Variants in ALMS1 observed in about 807,000 individuals in gnomAD.
ALMS1 encodes the protein centrosome-associated protein ALMS1.
In ALMS1, 271 loss-of-function variants were observed where a neutral mutation model predicts 352.2. The ratio of observed to expected loss-of-function variants is 0.77; its 90% CI spans 0.70 to 0.85. The LOEUF (loss-of-function observed/expected upper bound fraction) is 0.85. ALMS1 is among the 40% of genes least tolerant of loss of function. The probability of loss-of-function intolerance (pLI) is 0.00; values close to 1 mark genes in which losing one functional copy is unlikely to be tolerated. For missense variants in ALMS1, 5,445 were observed against 4,870.7 expected (o/e 1.12, Z -3.51); for synonymous variants, 1,865 against 1,761.2 (o/e 1.06, Z -1.48).
Position 73,601,449 on chromosome 2 carries a change from T to C in ALMS1, c.12114+13T>C, listed in dbSNP as rs991930363. 1 of 1,613,474 alleles carries C rather than the reference T, an allele frequency of 6.2e-7. No homozygotes were observed. Among genetic ancestry groups the C allele is most frequent in the African/African-American group, 1.3e-5 (1 of 74,884 alleles). On this transcript the variant is annotated intron_variant, in intron 19 of 22. Coordinates refer to ENST00000613296, the MANE Select transcript of ALMS1 (RefSeq NM_001378454.1). ...AGCAACCCTTCAGGTGCAGTGACGT[T>C]GACTTAACTTTAATGCTACGTGTAG... is the stretch of plus-strand genomic sequence containing the variant.
intron 9 of ALMS1, among the ~76,000 whole-genome samples, chr2:73,464,901 C>T (rs1258771098): frequency 6.7e-6 from 1 of 149,194 alleles, no homozygotes; most frequent in African/African-American, 2.5e-5. Context: ...GATGGAAGGA[C>T]TTCTTCAAGG....
rs1178176629 is a variant in ALMS1 at position 73,451,429 on chromosome 2, C to CGTCT, written c.4902_4903insGTCT (p.Ser1635ValfsTer2). On this transcript the variant is annotated frameshift_variant, in exon 8 of 23. Transcript: ENST00000613296. LOFTEE classifies it high-confidence loss of function. ...CTTTCTACCGGCAGGCTCTGCTAGA[C>CGTCT]AGTCCTCTAAATAAAGAGGTTGTGA... is the stretch of plus-strand genomic sequence containing the variant. The CGTCT allele has an allele frequency of 6.2e-7, 1 of 1,613,220 alleles. No homozygotes were observed. Among genetic ancestry groups the CGTCT allele is most frequent in the Non-Finnish European group, 8.5e-7 (1 of 1,179,724 alleles).
intron 16 of ALMS1, among the ~76,000 whole-genome samples, chr2:73,580,557 C>T (rs1043367381): frequency 1.3e-5 from 2 of 152,176 alleles, no homozygotes; most frequent in Non-Finnish European, 2.9e-5. Flanking sequence ...ACTGTGTGTT[C>T]TTCCTAAGGG....
At chr2:73,586,968 C>G (rs942017608) in intron 16 of ALMS1, among the ~76,000 whole-genome samples, 2 of 151,800 alleles carry the variant, frequency 1.3e-5, no homozygotes, top group African/African-American at 4.8e-5. Flanking sequence ...CTTTCACCTC[C>G]TTGGTTAGGT....
chr2:73,519,933 G>T lies in ALMS1; in HGVS notation c.9698G>T (p.Gly3233Val), dbSNP rs781167098. The T allele has an allele frequency of 2.5e-6, 4 of 1,613,942 alleles. No individual in the cohort carries two copies. The highest frequency in any genetic ancestry group is 2.5e-6 in the Non-Finnish European group (3 of 1,179,974). Residue 3233 changes from glycine to valine, a missense_variant, in exon 11 of 23, where the codon GGT (glycine) becomes GTT (valine). Transcript: ENST00000613296. The part of the protein sequence containing the change: ...EDRGHEIIEP[G>V]NQKLRKAPVK... Reference sequence around the variant, plus strand: ...CGTGGACATGAAATTATAGAGCCTGGTAACCAGAAGCTACGCAAAGCTCCT... The same window carrying T: ...CGTGGACATGAAATTATAGAGCCTGTTAACCAGAAGCTACGCAAAGCTCCT...
chr2:73,478,625 C>T (rs904041534), intron 9 of ALMS1, among the ~76,000 whole-genome samples: 6 of 151,512 alleles, frequency 4.0e-5, no homozygotes, highest in African/African-American at 9.7e-5. Context: ...CAGCTAATGA[C>T]GAATATTTTT....
At chr2:73,506,622 T>C (rs552438073) in intron 10 of ALMS1, among the ~76,000 whole-genome samples, 3 of 152,354 alleles carry the variant, frequency 2.0e-5, no homozygotes, top group Admixed American at 1.3e-4. Context: ...TTTTTGCACA[T>C]TGATTTTGTA....
intron 16 of ALMS1, among the ~76,000 whole-genome samples, chr2:73,599,036 T>A (rs1216783154): frequency 6.6e-6 from 1 of 152,184 alleles, no homozygotes; most frequent in Non-Finnish European, 1.5e-5. Flanking sequence ...TCACTCTTTT[T>A]AGCTATCTCC....
intron 11 of ALMS1, among the ~76,000 whole-genome samples, chr2:73,530,995 C>T (rs558897085): frequency 7.2e-5 from 11 of 152,352 alleles, no homozygotes; most frequent in African/African-American, 2.2e-4. Context: ...CCTCCTAGGC[C>T]TCCAGGCCTG....
intron 12 of ALMS1, among the ~76,000 whole-genome samples, chr2:73,545,636 A>G (rs1439931361): frequency 6.6e-6 from 1 of 152,244 alleles, no homozygotes; most frequent in African/African-American, 2.4e-5. Flanking sequence ...AGGAAACTTT[A>G]AGATAGCATA....
At chr2:73,608,004 T>G (rs1455936040) in intron 21 of ALMS1, among the ~76,000 whole-genome samples, 1 of 152,086 alleles carries the variant, frequency 6.6e-6, no homozygotes, top group East Asian at 1.9e-4. Context: ...TAATTTCCTC[T>G]CTGGAGCCTT....
At chr2:73,427,293 G>GT (rs1292850422) in intron 6 of ALMS1, among the ~76,000 whole-genome samples, 2 of 152,156 alleles carry the variant, frequency 1.3e-5, no homozygotes, top group African/African-American at 4.8e-5. Context: ...TAAGACCCAT[G>GT]TTTGACCAGG....
At chr2:73,495,799 C>T (rs1673094052) in intron 10 of ALMS1, among the ~76,000 whole-genome samples, 1 of 152,104 alleles carries the variant, frequency 6.6e-6, no homozygotes, top group Non-Finnish European at 1.5e-5. Flanking sequence ...TAGCCTTTCC[C>T]CTTTCTTTAT....
At position 73,408,567 on chromosome 2, in the gene ALMS1, G is replaced by T. The variant is rs1671014934; in HGVS notation, c.325-55G>T. On this transcript the variant is annotated intron_variant, in intron 1 of 22. Coordinates refer to ENST00000613296, the MANE Select transcript of ALMS1 (RefSeq NM_001378454.1). ...GTCTAAATATTAGTTTATTTTTGTT[G>T]TATAATCATAGTGATTGTGTTATTA... 9 of 1,574,192 alleles carry T rather than the reference G, an allele frequency of 5.7e-6. No homozygotes were observed. In the Admixed American group the frequency reaches 1.4e-4, roughly 24 times the overall value.
intron 11 of ALMS1, among the ~76,000 whole-genome samples, chr2:73,533,378 G>A (rs1573000070): frequency 1.3e-5 from 2 of 152,320 alleles, no homozygotes; most frequent in South Asian, 4.1e-4. Context: ...GTAGTCTAGA[G>A]CAGATAGCTG....
intron 7 of ALMS1, among the ~76,000 whole-genome samples, chr2:73,443,353 A>G (rs541732109): frequency 1.3e-5 from 2 of 151,816 alleles, no homozygotes; most frequent in East Asian, 1.9e-4. Flanking sequence ...CATAGATGCT[A>G]TTTTCTCTAC....
chr2:73,488,997 G>A (rs982111852), intron 9 of ALMS1, among the ~76,000 whole-genome samples: 2 of 152,110 alleles, frequency 1.3e-5, no homozygotes, highest in African/African-American at 4.8e-5. Context: ...TCACGTCATT[G>A]TTCATGTTAG....
In ALMS1 at chr2:73,572,334, A is replaced by G; in HGVS notation, c.10457A>G (p.His3486Arg). ...VFRSAKFYIHHPVHLPSDQDI... is the reference protein window; with the variant it reads ...VFRSAKFYIHRPVHLPSDQDI... ...AGGTCAGCAAAGTTTTACATTCATC[A>G]TCCCGTACACCTACCAAGTGATCAA... The change falls in exon 16 of 23, where the codon CAT becomes CGT. Residue 3486 changes from histidine to arginine, a missense_variant. Coordinates refer to ENST00000613296, the MANE Select transcript of ALMS1 (RefSeq NM_001378454.1). 4 of 1,605,414 alleles carry G rather than the reference A, an allele frequency of 2.5e-6. No individual in the cohort carries two copies. The highest frequency in any genetic ancestry group is 2.5e-6 in the Non-Finnish European group (3 of 1,176,596).
At chr2:73,547,002 A>AT (rs996174006) in intron 12 of ALMS1, among the ~76,000 whole-genome samples, 29 of 152,056 alleles carry the variant, frequency 1.9e-4, no homozygotes, top group African/African-American at 6.3e-4. Flanking sequence ...CCGTTGAACT[A>AT]TTTTTTGACT....
Sources: allele counts gnomAD v4.1 joint callset (sites outside exome capture counted in the v4.1 genomes callset), GRCh38; gene constraint gnomAD v4.1.1; transcripts MANE v1.5; gene names NCBI Gene and HGNC (gene_info 2026-07-23, HGNC 2026-07-21).